Variants in SLC27A4 observed in about 807,000 individuals in gnomAD.
SLC27A4 encodes the protein long-chain fatty acid transport protein 4.
Under a neutral mutation model 64.4 loss-of-function variants are expected in SLC27A4, and 33 were observed. That is an observed-to-expected ratio of 0.51 (90% CI 0.39 to 0.68). The LOEUF (loss-of-function observed/expected upper bound fraction) is 0.68. SLC27A4 is among the 30% of genes least tolerant of loss of function. The pLI, the probability that SLC27A4 is intolerant of heterozygous loss-of-function variation, is 0.00. For synonymous variants in SLC27A4, 377 were observed against 370.0 expected (o/e 1.02, Z -0.22); for missense variants, 824 against 883.5 (o/e 0.93, Z 0.85).
chr9:128,344,968 A>G (rs1415809834), intron 2 of SLC27A4, among the ~76,000 whole-genome samples, 187 bp from the exon 3 acceptor site: 1 of 151,940 alleles, frequency 6.6e-6, no homozygotes, highest in South Asian at 2.1e-4. Context: ...AATCATACGA[A>G]CTCTCAGTGT....
At position 128,348,603 on chromosome 9, in the gene SLC27A4, C is replaced by T. The variant is rs147730773; in HGVS notation, c.615C>T (p.Ser205=). 1 of 1,613,824 alleles carries T rather than the reference C, an allele frequency of 6.2e-7. No individual in the cohort carries two copies. Among genetic ancestry groups the T allele is most frequent in the African/African-American group, 1.3e-5 (1 of 75,062 alleles). The change falls in exon 4 of 13, where the codon TCC becomes TCT. Residue 205 remains serine (S), a synonymous_variant. Coordinates refer to ENST00000300456, the MANE Select transcript of SLC27A4 (RefSeq NM_005094.4). ...CGCTCAGCCTCTTCTGCTCTGGCTC[C>T]TGGGAGCCCGGTGCGGTGCCTCCAA... ...DPSLSLFCSG[S]WEPGAVPPST... is the part of the protein sequence containing the mutation.
At chr9:128,341,205 GA>G (rs1476298852) in intron 1 of SLC27A4, among the ~76,000 whole-genome samples, 1 of 152,230 alleles carries the variant, frequency 6.6e-6, no homozygotes, top group African/African-American at 2.4e-5. Flanking sequence ...GGGAGGGGGA[GA>G]TGGTCTCCCA....
chr9:128,360,491 AT>A lies in SLC27A4; in HGVS notation c.*2del. ...TCCAGGCAGGCGAGGAGAAGCTGTG[AT>A]TCCCCCCATCCCTCTGAGGGCCGGC... On this transcript the variant is annotated 3_prime_UTR_variant, in exon 13 of 13. Transcript: ENST00000300456. 1 of 1,613,692 alleles carries A rather than the reference AT, an allele frequency of 6.2e-7. No individual in the cohort carries two copies. The highest frequency in any genetic ancestry group is 1.3e-5 in the African/African-American group (1 of 75,050).
Position 128,348,652 on chromosome 9 carries a change from C to A in SLC27A4, c.664C>A (p.Leu222Met). ...PPSTEHLDPL[L>M]KDAPKHLPSC... The stretch of plus-strand genomic sequence containing the variant: ...AAGCACAGAACACCTGGACCCTCTG[C>A]TGAAAGATGCTCCCAAGCACCTTCC... Residue 222 changes from leucine to methionine, a missense_variant, in exon 4 of 13, where the codon CTG becomes ATG. Coordinates refer to ENST00000300456, the MANE Select transcript of SLC27A4 (RefSeq NM_005094.4). The A allele has an allele frequency of 6.2e-7, 1 of 1,614,110 alleles. No homozygotes were observed. The highest frequency in any genetic ancestry group is 8.5e-7 in the Non-Finnish European group (1 of 1,180,036).
rs759491973 is a variant in SLC27A4, at chr9:128,353,434, A to G, written c.1217A>G (p.Asn406Ser). The change falls in exon 9 of 13, where the codon AAT becomes AGT. Residue 406 changes from asparagine (N) to serine (S), a missense_variant. Transcript: ENST00000300456. This position sits in a 1 kb window ranked among gnomAD's most constrained non-coding sequence, Gnocchi z 4.9. ...FDSQVGACGF[N>S]SRILSFVYPI... ...TCGCAGGTGGGGGCCTGTGGTTTCA[A>G]TAGCCGCATCCTGTCCTTCGTGTAC... 6.2e-6 allele frequency: 10 copies of G among 1,614,036 alleles called. No individual in the cohort carries two copies. The highest frequency in any genetic ancestry group is 2.7e-5 in the African/African-American group (2 of 74,896).
chr9:128,360,119 G>T (rs952453132), intron 12 of SLC27A4, among the ~76,000 whole-genome samples: 1 of 152,200 alleles, frequency 6.6e-6, no homozygotes, highest in Non-Finnish European at 1.5e-5. Flanking sequence ...CAAAGTAGGG[G>T]TGGGTGGGTA....
At chr9:128,359,680 C>G (rs956267051) in intron 12 of SLC27A4, among the ~76,000 whole-genome samples, 1 of 152,038 alleles carries the variant, frequency 6.6e-6, no homozygotes, top group Non-Finnish European at 1.5e-5. Flanking sequence ...TGGTGCACAC[C>G]TATAGTCCTG....
In SLC27A4 at chr9:128,343,283, C is replaced by T; in HGVS notation, c.151C>T (p.Arg51Cys). The change falls in exon 2 of 13, where the codon CGC becomes TGC. Residue 51 changes from arginine to cysteine, a missense_variant. Transcript: ENST00000300456. ...FIRVFIKTIR[R>C]DIFGGLVLLK... The stretch of plus-strand genomic sequence containing the variant: ...CCGGGTCTTCATCAAGACCATCAGG[C>T]GCGATATCTTGTGAGTACCTGGCCC... The T allele has an allele frequency of 1.2e-6, 2 of 1,614,122 alleles. No homozygotes were observed. Among genetic ancestry groups the T allele is most frequent in the Non-Finnish European group, 1.7e-6 (2 of 1,180,016 alleles).
chr9:128,360,561 T>A lies in SLC27A4; in HGVS notation c.*70T>A. The stretch of plus-strand genomic sequence containing the variant: ...CCCAGGTTCCGCCCCAGAGCGGTCC[T>A]GGACAAGGCCAGACCAAAGCAAGCA... On this transcript the variant is annotated 3_prime_UTR_variant, in exon 13 of 13. Transcript: ENST00000300456. 6.4e-7 allele frequency: 1 copy of A among 1,570,356 alleles called. No individual in the cohort carries two copies. The highest frequency in any genetic ancestry group is 8.7e-7 in the Non-Finnish European group (1 of 1,146,892).
intron 3 of SLC27A4, among the ~76,000 whole-genome samples, chr9:128,346,529 C>T (rs1297619988): frequency 5.3e-5 from 8 of 151,860 alleles, no homozygotes; most frequent in African/African-American, 1.2e-4. Flanking sequence ...CCACCACGCC[C>T]GGCCTAAAAA....
chr9:128,358,720 T>G (rs999311909), intron 12 of SLC27A4, among the ~76,000 whole-genome samples: 12 of 152,234 alleles, frequency 7.9e-5, no homozygotes, highest in African/African-American at 2.7e-4. Flanking sequence ...GTGCCGGGAT[T>G]ACAGGCGTGA....
intron 3 of SLC27A4, among the ~76,000 whole-genome samples, chr9:128,348,330 G>C (rs1306134049): frequency 6.6e-6 from 1 of 152,204 alleles, no homozygotes; most frequent in African/African-American, 2.4e-5. Context: ...TGTGAGACCA[G>C]GGAATGCAGG....
rs1303923113 is a variant in SLC27A4 at position 128,360,996 on chromosome 9, A to T, written c.*505A>T. 5.3e-6 allele frequency: 1 copy of T among 186,938 alleles called. No homozygotes were observed. The highest frequency in any genetic ancestry group is 2.4e-5 in the African/African-American group (1 of 42,244). 11.6% of individuals were successfully genotyped at this position (186,938 alleles called of 1,614,324 possible). On this transcript the variant is annotated 3_prime_UTR_variant, in exon 13 of 13. Coordinates refer to ENST00000300456, the MANE Select transcript of SLC27A4 (RefSeq NM_005094.4). ...GGGGAGGAGAGGACCTGACATCTGTAGGTGGCCCCTGATGCCCCATCTACA... is the reference window on the plus strand; with the variant it reads ...GGGGAGGAGAGGACCTGACATCTGTTGGTGGCCCCTGATGCCCCATCTACA...
At position 128,353,502 on chromosome 9, in the gene SLC27A4, A is replaced by T. The variant is rs1247440634; in HGVS notation, c.1285A>T (p.Ile429Phe). 1.9e-6 allele frequency: 3 copies of T among 1,614,048 alleles called. No homozygotes were observed. The Admixed American group carries it at 5.0e-5, about 27-fold the overall frequency. ...TGTCAACGAGGACACCATGGAGCTG[A>T]TCCGGGGGCCCGACGGCGTCTGCAT... ...VRVNEDTMEL[I>F]RGPDGVCIPC... Residue 429 changes from isoleucine to phenylalanine, a missense_variant, in exon 9 of 13, where the codon ATC (isoleucine) becomes TTC (phenylalanine). Ile to Phe is a conservative substitution (Grantham distance 21). Transcript: ENST00000300456. The surrounding 1 kb of genome is among the most constrained non-coding windows in gnomAD (Gnocchi z 4.9).
chr9:128,345,240 A>G lies in SLC27A4; in HGVS notation c.247A>G (p.Thr83Ala), dbSNP rs1452845680. Residue 83 changes from threonine to alanine, a missense_variant, in exon 3 of 13, where the codon ACC becomes GCC. Physicochemically the swap from Thr to Ala is moderately conservative, Grantham distance 58. Transcript: ENST00000300456. The surrounding 1 kb of genome is among the most constrained non-coding windows in gnomAD (Gnocchi z 4.1). ...GACAGTGCCCATTTTGTTTGCCTCT[A>G]CCGTTCGGCGCCACCCCGACAAGAC... Reference protein sequence around the residue: ...RRTVPILFASTVRRHPDKTAL... With the variant: ...RRTVPILFASAVRRHPDKTAL... 1 of 1,613,722 alleles carries G rather than the reference A, an allele frequency of 6.2e-7. No homozygotes were observed. Among genetic ancestry groups the G allele is most frequent in the Non-Finnish European group, 8.5e-7 (1 of 1,179,990 alleles).
chr9:128,358,875 C>G (rs979087497), intron 12 of SLC27A4, among the ~76,000 whole-genome samples: 12 of 152,206 alleles, frequency 7.9e-5, no homozygotes, highest in Non-Finnish European at 1.6e-4. Context: ...AGACTAGCCC[C>G]AGGGCACCCC....
intron 10 of SLC27A4, 34 bp downstream of exon 10, chr9:128,355,224 G>A (rs1302466977): frequency 1.2e-6 from 2 of 1,609,836 alleles, no homozygotes; most frequent in East Asian, 2.2e-5. Context: ...CCCTTCCTGA[G>A]GGTTGGGGGA....
chr9:128,355,643 C>T lies in SLC27A4; in HGVS notation c.1628-7C>T. On this transcript the variant is annotated splice_region_variant and splice_polypyrimidine_tract_variant and intron_variant, in intron 11 of 12. Transcript: ENST00000300456. ...CAGCTACTCAGTGTCTACCCTGCCA[C>T]CCCCAGGAACCGAGGGCCGGGCCGG... 6.2e-7 allele frequency: 1 copy of T among 1,609,488 alleles called. No individual in the cohort carries two copies.
At chr9:128,352,578 T>C in intron 6 of SLC27A4, 60 bp from the exon 7 acceptor site, 1 of 1,335,110 alleles carries the variant, frequency 7.5e-7, no homozygotes, top group Non-Finnish European at 1.1e-6. Flanking sequence ...GTATCACTGA[T>C]TTGGGGCCGG....
Sources: allele counts gnomAD v4.1 joint callset (sites outside exome capture counted in the v4.1 genomes callset), GRCh38; gene constraint gnomAD v4.1.1; non-coding constraint Gnocchi (gnomAD v3.1); transcripts MANE v1.5; gene names NCBI Gene and HGNC (gene_info 2026-07-23, HGNC 2026-07-21).